Variants in PPM1E observed in about 807,000 individuals in gnomAD.
PPM1E encodes protein phosphatase, Mg2+/Mn2+ dependent 1E.
Under a neutral mutation model 65.9 loss-of-function variants are expected in PPM1E, and 20 were observed. That is an observed-to-expected ratio of 0.30 (90% CI 0.21 to 0.44). The LOEUF (loss-of-function observed/expected upper bound fraction) is 0.44, where lower values mean the gene tolerates loss of function less well. Among genes scored for constraint, PPM1E ranks in the 20% least tolerant of loss-of-function variants. The pLI is 1.00. For missense variants in PPM1E, 713 were observed against 953.1 expected (o/e 0.75, Z 3.32); for synonymous variants, 352 against 374.9 (o/e 0.94, Z 0.70).
At chr17:58,806,803 G>A (rs1357633123) in intron 1 of PPM1E, among the ~76,000 whole-genome samples, 4 of 150,328 alleles carry the variant, frequency 2.7e-5, no homozygotes, top group Non-Finnish European at 5.9e-5. Context: ...GGGTTCAAGC[G>A]ATTCTCCTGC....
chr17:58,885,767 C>G (rs1305184763), intron 1 of PPM1E, among the ~76,000 whole-genome samples: 1 of 152,162 alleles, frequency 6.6e-6, no homozygotes, highest in African/African-American at 2.4e-5. Context: ...TCTATTTTGC[C>G]TAGTGTCCTC....
chr17:58,867,450 A>C (rs566560365), intron 1 of PPM1E, among the ~76,000 whole-genome samples: 15 of 152,326 alleles, frequency 9.8e-5, no homozygotes, highest in Admixed American at 2.6e-4. Context: ...TGTACAAGGA[A>C]TAATCAAGCC....
chr17:58,977,803 C>T lies in PPM1E; in HGVS notation c.1211-2171C>T, dbSNP rs1373343651. ...TGTCATCCAGGCTGGAGTGCAGTGG[C>T]GCAATCTGGGCTCACTGCAACCTCT... is the stretch of plus-strand genomic sequence containing the variant. On this transcript the variant is annotated intron_variant, in intron 6 of 6. Coordinates refer to ENST00000308249, the MANE Select transcript of PPM1E (RefSeq NM_014906.5). Among the ~76,000 whole-genome samples the T allele has an allele frequency of 2.0e-5, 3 of 152,104 alleles. 1 individual carries two copies. The highest frequency in any genetic ancestry group is 1.3e-4 in the Admixed American group (2 of 15,274).
chr17:58,764,417 C>T (rs2049853550), intron 1 of PPM1E, among the ~76,000 whole-genome samples: 1 of 152,056 alleles, frequency 6.6e-6, no homozygotes. Flanking sequence ...ATTAGAGCCA[C>T]TTAGCTGGGT....
rs143768633 is a variant in PPM1E at position 58,942,411 on chromosome 17, A to G, written c.465-13238A>G. On this transcript the variant is annotated intron_variant, in intron 1 of 6. Coordinates refer to ENST00000308249, the MANE Select transcript of PPM1E (RefSeq NM_014906.5). ...AAAAAAGAAAAAGAAATATTGATGA[A>G]TAATAAAATAATTTTCTAATTTTTT... Among the ~76,000 whole-genome samples the G allele has an allele frequency of 5.8e-3, 884 of 152,290 alleles. 5 individuals carry two copies. Among genetic ancestry groups the G allele is most frequent in the African/African-American group, 9.5e-3 (396 of 41,562 alleles).
At chr17:58,861,040 G>A (rs2050933808) in intron 1 of PPM1E, among the ~76,000 whole-genome samples, 1 of 152,142 alleles carries the variant, frequency 6.6e-6, no homozygotes, top group South Asian at 2.1e-4. Context: ...AGTATTATAT[G>A]TTATCCTTAG....
At chr17:58,768,643 C>A (rs2049906190) in intron 1 of PPM1E, among the ~76,000 whole-genome samples, 1 of 152,116 alleles carries the variant, frequency 6.6e-6, no homozygotes, top group Non-Finnish European at 1.5e-5. Flanking sequence ...AAAAAGTTAA[C>A]AATTATTGCT....
intron 1 of PPM1E, among the ~76,000 whole-genome samples, chr17:58,759,818 A>C (rs1056907636): frequency 1.3e-5 from 2 of 152,254 alleles, no homozygotes; most frequent in Non-Finnish European, 2.9e-5. Flanking sequence ...GACACTAATA[A>C]TTCAGTTACA....
chr17:58,981,743 A>G lies in PPM1E; in HGVS notation c.*712A>G. The G allele has an allele frequency of 1.5e-5, 1 of 68,942 alleles. No homozygotes were observed. The highest frequency in any genetic ancestry group is 7.4e-4 in the South Asian group (1 of 1,348). 4.3% of individuals were successfully genotyped at this position (68,942 alleles called of 1,614,324 possible). A position where few individuals can be genotyped will look rare whatever the true frequency, so the allele number is the denominator to read the frequency against. ...TTATTTGGGAGTTTCATAACCTGTTATGGTGCTTTTGGTGGAAATTTTTAT... is the reference window on the plus strand; with the variant it reads ...TTATTTGGGAGTTTCATAACCTGTTGTGGTGCTTTTGGTGGAAATTTTTAT... On this transcript the variant is annotated 3_prime_UTR_variant, in exon 7 of 7. Transcript: ENST00000308249.
chr17:58,902,117 A>G (rs1158040438), intron 1 of PPM1E, among the ~76,000 whole-genome samples: 1 of 152,104 alleles, frequency 6.6e-6, no homozygotes, highest in Non-Finnish European at 1.5e-5. Flanking sequence ...GATTAAAACA[A>G]TGTTCTAAAT....
intron 1 of PPM1E, among the ~76,000 whole-genome samples, chr17:58,928,950 C>T (rs1444546219): frequency 6.6e-6 from 1 of 151,996 alleles, no homozygotes; most frequent in Non-Finnish European, 1.5e-5. Context: ...GTGATCCACC[C>T]GCCTCGGCCT....
intron 1 of PPM1E, among the ~76,000 whole-genome samples, chr17:58,922,271 G>C (rs1411617755): frequency 6.6e-6 from 1 of 151,524 alleles, no homozygotes; most frequent in Non-Finnish European, 1.5e-5. Context: ...TTATGTTTGA[G>C]TTTTACTTTG....
chr17:58,966,093 T>G (rs144097419), intron 3 of PPM1E, 200 bp downstream of exon 3: 2 of 605,890 alleles, frequency 3.3e-6, no homozygotes, highest in Middle Eastern at 2.7e-4. Flanking sequence ...TGCATTCACA[T>G]GGTTCAAAAT....
intron 6 of PPM1E, among the ~76,000 whole-genome samples, chr17:58,978,053 G>T (rs965303967): frequency 6.6e-6 from 1 of 152,172 alleles, no homozygotes; most frequent in African/African-American, 2.4e-5. Context: ...GTGTCAAAGA[G>T]AACCTATAAC....
At chr17:58,862,693 A>G (rs548771211) in intron 1 of PPM1E, among the ~76,000 whole-genome samples, 2 of 152,332 alleles carry the variant, frequency 1.3e-5, no homozygotes, top group East Asian at 1.9e-4. Flanking sequence ...TTGTATATCT[A>G]TATACCAATC....
intron 1 of PPM1E, among the ~76,000 whole-genome samples, chr17:58,771,466 A>G (rs915326183): frequency 6.6e-6 from 1 of 151,844 alleles, no homozygotes; most frequent in Non-Finnish European, 1.5e-5. Context: ...TCTACTAAAA[A>G]TACAAAAATT....
intron 1 of PPM1E, among the ~76,000 whole-genome samples, chr17:58,937,904 GA>G (rs2052007523): frequency 7.9e-6 from 1 of 127,192 alleles, no homozygotes; most frequent in Non-Finnish European, 1.7e-5. Context: ...AAGAAAGAAA[GA>G]AAAGAAAGAA....
intron 1 of PPM1E, among the ~76,000 whole-genome samples, chr17:58,816,281 C>T (rs62083369): frequency 0.25 from 37,672 of 152,022 alleles, 5,431 homozygotes; most frequent in Middle Eastern, 0.42. Context: ...GCCTTGGCCT[C>T]CCAAAGTGCT....
chr17:58,909,100 T>A (rs1375481201), intron 1 of PPM1E, among the ~76,000 whole-genome samples: 5 of 152,162 alleles, frequency 3.3e-5, no homozygotes, highest in Non-Finnish European at 7.3e-5. Flanking sequence ...TTTTTTTTTA[T>A]GTGCATCTAA....
Sources: gnomAD v4.1 joint callset for allele counts (sites outside exome capture counted in the v4.1 genomes callset) on GRCh38, gnomAD v4.1.1 for gene constraint, MANE v1.5 for transcripts, NCBI Gene and HGNC (gene_info 2026-07-23, HGNC 2026-07-21) for gene names.